Variants in DCLK1 observed in about 807,000 individuals in gnomAD.
DCLK1 encodes doublecortin like kinase 1.
In DCLK1, 16 loss-of-function variants were observed where a neutral mutation model predicts 86.2. The ratio of observed to expected loss-of-function variants is 0.19; its 90% CI spans 0.13 to 0.28. The LOEUF (loss-of-function observed/expected upper bound fraction) is 0.28, where lower values mean the gene tolerates loss of function less well. Among genes scored for constraint, DCLK1 ranks in the 10% least tolerant of loss-of-function variants. The pLI is 1.00. For synonymous variants in DCLK1, 369 were observed against 370.5 expected (o/e 1.00, Z 0.05); for missense variants, 590 against 940.2 (o/e 0.63, Z 4.87).
chr13:36,110,163 A>C (rs1401396112), intron 3 of DCLK1, among the ~76,000 whole-genome samples: 1 of 152,202 alleles, frequency 6.6e-6, no homozygotes, highest in Admixed American at 6.5e-5. Flanking sequence ...ATATATGAAA[A>C]TTCAGAACTA....
At chr13:35,929,261 T>C (rs1158483300) in intron 4 of DCLK1, among the ~76,000 whole-genome samples, 1 of 152,218 alleles carries the variant, frequency 6.6e-6, no homozygotes, top group Non-Finnish European at 1.5e-5. Context: ...GAAAATTCTG[T>C]TGAAAGGCTG....
At chr13:36,039,661 C>T (rs1882633054) in intron 3 of DCLK1, among the ~76,000 whole-genome samples, 3 of 151,912 alleles carry the variant, frequency 2.0e-5, no homozygotes, top group African/African-American at 4.8e-5. Flanking sequence ...TACAAATACA[C>T]TGCCCTTCTA....
rs530982750 is a variant in DCLK1 at position 35,780,195 on chromosome 13, A to G, written c.2059-5496T>C. ...AAAAAAATCCCCAGACATCAAGCAA[A>G]TAGGGTCTCTTCAGAACGCCTATTT... On this transcript the variant is annotated intron_variant, in intron 16 of 16. Transcript: ENST00000360631. Among the ~76,000 whole-genome samples, 70 of 152,256 alleles carry G rather than the reference A, an allele frequency of 4.6e-4. 1 individual carries two copies. Among genetic ancestry groups the G allele is most frequent in the Middle Eastern group, 3.4e-3 (1 of 294 alleles).
intron 5 of DCLK1, among the ~76,000 whole-genome samples, chr13:35,865,120 A>ATATTTTATTCCTATTTTTAGAGT (rs1871697299): frequency 6.6e-6 from 1 of 152,178 alleles, no homozygotes; most frequent in Non-Finnish European, 1.5e-5. Flanking sequence ...AAAGTGATGC[A>ATATTTTATTCCTATTTTTAGAGT]TATTTTATTC....
chr13:35,943,433 A>G (rs1256651209), intron 4 of DCLK1, among the ~76,000 whole-genome samples: 1 of 152,204 alleles, frequency 6.6e-6, no homozygotes, highest in East Asian at 1.9e-4. Context: ...GCCCTAGGAA[A>G]TTCATTCAGC....
chr13:35,821,552 C>T (rs2087393307), intron 11 of DCLK1, among the ~76,000 whole-genome samples: 1 of 151,962 alleles, frequency 6.6e-6, no homozygotes, highest in African/African-American at 2.4e-5. Flanking sequence ...ATCCTCTTTT[C>T]CCAGATTTCT....
intron 3 of DCLK1, among the ~76,000 whole-genome samples, chr13:36,098,489 G>C (rs997269905): frequency 2.0e-5 from 3 of 152,136 alleles, no homozygotes; most frequent in Non-Finnish European, 4.4e-5. Context: ...GTCCTTCCAG[G>C]TGAGAGAAGC....
At chr13:36,108,851 G>C (rs1885505510) in intron 3 of DCLK1, among the ~76,000 whole-genome samples, 1 of 152,182 alleles carries the variant, frequency 6.6e-6, no homozygotes, top group African/African-American at 2.4e-5. Flanking sequence ...CTTGTTGGCA[G>C]CATATGGACC....
chr13:35,778,465 G>A (rs1397609020), intron 16 of DCLK1, among the ~76,000 whole-genome samples: 3 of 152,066 alleles, frequency 2.0e-5, no homozygotes, highest in African/African-American at 7.2e-5. Context: ...CACATTCCAT[G>A]ATCCTGATGA....
chr13:35,898,424 C>A (rs1480778330), intron 4 of DCLK1, among the ~76,000 whole-genome samples: 2 of 152,178 alleles, frequency 1.3e-5, no homozygotes, highest in African/African-American at 4.8e-5. Flanking sequence ...GAAAAACTTG[C>A]TTTTACTAAT....
chr13:35,795,094 A>C (rs908440057), intron 15 of DCLK1, among the ~76,000 whole-genome samples: 9 of 152,220 alleles, frequency 5.9e-5, no homozygotes, highest in East Asian at 1.9e-4. Flanking sequence ...AGATTCACCA[A>C]AGAAGTTCAG....
intron 6 of DCLK1, chr13:35,848,767 C>T (rs546979528): frequency 1.0e-6 from 1 of 985,228 alleles, no homozygotes; most frequent in Admixed American, 6.1e-5. Flanking sequence ...GTAACTGTTC[C>T]ACTGCTTTCT....
chr13:35,824,704 C>A (rs985026982), intron 10 of DCLK1, among the ~76,000 whole-genome samples: 1 of 152,096 alleles, frequency 6.6e-6, no homozygotes, highest in African/African-American at 2.4e-5. Context: ...CACATTATGT[C>A]GCTATTTTCT....
chr13:35,955,153 A>G (rs1181501918), intron 3 of DCLK1, among the ~76,000 whole-genome samples: 1 of 152,018 alleles, frequency 6.6e-6, no homozygotes, highest in Admixed American at 6.6e-5. Context: ...ACACCTAAGC[A>G]GACTGCAACC....
intron 3 of DCLK1, among the ~76,000 whole-genome samples, chr13:36,064,751 A>G (rs1376299589): frequency 2.0e-5 from 3 of 152,066 alleles, no homozygotes; most frequent in Non-Finnish European, 4.4e-5. Flanking sequence ...ACAAAAAAAA[A>G]AAGAAGAAGA....
intron 3 of DCLK1, among the ~76,000 whole-genome samples, chr13:35,948,494 T>G (rs550277065): frequency 8.2e-4 from 125 of 152,168 alleles, no homozygotes; most frequent in Non-Finnish European, 1.4e-3. Flanking sequence ...GTTTCCTCTG[T>G]GGGCACCTCT....
At chr13:35,807,809 C>T (rs753588252) in intron 14 of DCLK1, among the ~76,000 whole-genome samples, 8 of 152,108 alleles carry the variant, frequency 5.3e-5, no homozygotes, top group Non-Finnish European at 8.8e-5. Flanking sequence ...TACAGCAAGC[C>T]AGGTAAGGTT....
chr13:36,041,108 T>C (rs1222400176), intron 3 of DCLK1, among the ~76,000 whole-genome samples: 1 of 152,156 alleles, frequency 6.6e-6, no homozygotes, highest in East Asian at 1.9e-4. Flanking sequence ...TATGTGTTCA[T>C]TGCTACTAGG....
chr13:35,899,216 G>C (rs191422229), intron 4 of DCLK1, among the ~76,000 whole-genome samples: 63 of 152,208 alleles, frequency 4.1e-4, no homozygotes, highest in African/African-American at 1.4e-3. Flanking sequence ...AATGTGAGAT[G>C]CTAGCGTCAT....
Sources: gnomAD v4.1 joint callset for allele counts (sites outside exome capture counted in the v4.1 genomes callset) on GRCh38, gnomAD v4.1.1 for gene constraint, MANE v1.5 for transcripts, NCBI Gene and HGNC (gene_info 2026-07-23, HGNC 2026-07-21) for gene names.